Variants in ROR1 observed in about 807,000 individuals in gnomAD.
ROR1 encodes ROR family WNT receptor 1, also known as inactive tyrosine-protein kinase transmembrane receptor ROR1.
Under a neutral mutation model 78.8 loss-of-function variants are expected in ROR1, and 19 were observed. The observed-to-expected ratio is 0.24, with a 90% CI of 0.17 to 0.35. ROR1 has a LOEUF of 0.35. ROR1 is among the 10% of genes least tolerant of loss of function. The pLI, the probability that ROR1 is intolerant of heterozygous loss-of-function variation, is 1.00. For synonymous variants in ROR1, 386 were observed against 433.6 expected (o/e 0.89, Z 1.36); for missense variants, 917 against 1,177.8 (o/e 0.78, Z 3.24).
At chr1:63,939,521 A>G (rs1197546804) in intron 1 of ROR1, among the ~76,000 whole-genome samples, 1 of 152,232 alleles carries the variant, frequency 6.6e-6, no homozygotes, top group Non-Finnish European at 1.5e-5. Context: ...ATTTCCAGGC[A>G]TATCAAAAAC....
intron 1 of ROR1, among the ~76,000 whole-genome samples, chr1:64,007,956 C>CTTTTTTTTTTTTTT (rs74261212): frequency 9.4e-5 from 13 of 137,686 alleles, no homozygotes; most frequent in African/African-American, 3.8e-4. Context: ...TGCCCTTGTT[C>CTTTTTTTTTTTTTT]TTTTTTTTTT....
intron 1 of ROR1, among the ~76,000 whole-genome samples, chr1:63,920,148 G>A (rs1367044541): frequency 6.6e-6 from 1 of 152,206 alleles, no homozygotes; most frequent in African/African-American, 2.4e-5. Flanking sequence ...TTGTTGGGCA[G>A]GATGGGAAAG....
In ROR1 at chr1:64,180,310, A is replaced by G. The variant is rs888018381; in HGVS notation, c.*1455A>G. 2.0e-5 allele frequency: 3 copies of G among 152,176 alleles called. No individual in the cohort carries two copies. The highest frequency in any genetic ancestry group is 1.5e-5 in the Non-Finnish European group (1 of 68,022). The allele number at this position is 152,176 out of a possible 1,614,324, so 9.4% of individuals were successfully genotyped here. On this transcript the variant is annotated 3_prime_UTR_variant, in exon 9 of 9. Coordinates refer to ENST00000371079, the MANE Select transcript of ROR1 (RefSeq NM_005012.4). ...TCTAAGAACAATGTCTCAAAGTCTC[A>G]TTTTTACTTTAAAGGTATAAGAGAC...
At position 63,886,787 on chromosome 1, in the gene ROR1, A is replaced by G. The variant is rs1192464684; in HGVS notation, c.91+112279A>G. Among the ~76,000 whole-genome samples, 4 of 152,110 alleles carry G rather than the reference A, an allele frequency of 2.6e-5. No homozygotes were observed. In the East Asian group the frequency reaches 7.7e-4, roughly 29 times the overall value. On this transcript the variant is annotated intron_variant, in intron 1 of 8. Coordinates refer to ENST00000371079, the MANE Select transcript of ROR1 (RefSeq NM_005012.4). ...GAAAACCCTCCATACTCGACCACCC[A>G]CCTCCACACTGGCACAAATCCAGCC... is the stretch of plus-strand genomic sequence containing the variant.
Position 64,049,850 on chromosome 1 carries a change from G to A in ROR1, c.323G>A (p.Arg108Gln), listed in dbSNP as rs773348330. ...VVQEPRRLSFRSTIYGSRLRI... is the reference protein window; with the variant it reads ...VVQEPRRLSFQSTIYGSRLRI... ...CAGGAGCCCCGGAGGCTCTCCTTTC[G>A]GTCCACCATCTATGGCTCTCGGCTG... The change falls in exon 3 of 9, where the codon CGG becomes CAG. Residue 108 changes from arginine (R) to glutamine (Q), a missense_variant. Coordinates refer to ENST00000371079, the MANE Select transcript of ROR1 (RefSeq NM_005012.4). 17 of 1,613,972 alleles carry A rather than the reference G, an allele frequency of 1.1e-5. No individual in the cohort carries two copies. The highest frequency in any genetic ancestry group is 2.7e-5 in the African/African-American group (2 of 74,874).
chr1:64,089,429 T>C (rs1170136845), intron 4 of ROR1, among the ~76,000 whole-genome samples: 1 of 152,160 alleles, frequency 6.6e-6, no homozygotes, highest in Non-Finnish European at 1.5e-5. Context: ...CAAGCTGGCC[T>C]TGAACTCCTG....
intron 5 of ROR1, among the ~76,000 whole-genome samples, chr1:64,139,373 T>G (rs922548149): frequency 1.3e-5 from 2 of 152,152 alleles, no homozygotes; most frequent in African/African-American, 4.8e-5. Context: ...TGATTAATGT[T>G]CTGAGCAACA....
chr1:63,838,138 G>GTA (rs1041564238), intron 1 of ROR1, among the ~76,000 whole-genome samples: 1 of 152,034 alleles, frequency 6.6e-6, no homozygotes, highest in African/African-American at 2.4e-5. Context: ...ATAATAGTAA[G>GTA]TATATTTGTG....
chr1:64,069,727 C>A (rs1201919441), intron 4 of ROR1, among the ~76,000 whole-genome samples: 1 of 152,186 alleles, frequency 6.6e-6, no homozygotes. Context: ...AGGCAGCCAG[C>A]GCTGCAGAGG....
At chr1:63,843,289 A>C (rs1265465485) in intron 1 of ROR1, 1 of 1,406,176 alleles carries the variant, frequency 7.1e-7, no homozygotes, top group East Asian at 2.3e-5. Context: ...TTTGTGTGTA[A>C]TTCATGCTTG....
chr1:64,031,719 A>G (rs1449675227), intron 2 of ROR1, among the ~76,000 whole-genome samples: 1 of 152,182 alleles, frequency 6.6e-6, no homozygotes, highest in Non-Finnish European at 1.5e-5. Context: ...GAGCTGGTGT[A>G]TGTGTGACTT....
Position 63,990,602 on chromosome 1 carries a change from A to C in ROR1, c.92-18703A>C, listed in dbSNP as rs182429371. Among the ~76,000 whole-genome samples the C allele has an allele frequency of 1.4e-3, 207 of 152,300 alleles. 1 individual carries two copies. Among genetic ancestry groups the C allele is most frequent in the Non-Finnish European group, 2.8e-4 (19 of 68,036 alleles). On this transcript the variant is annotated intron_variant, in intron 1 of 8. Coordinates refer to ENST00000371079, the MANE Select transcript of ROR1 (RefSeq NM_005012.4). Reference sequence around the variant, plus strand: ...AACCTTTTTACCTTTAAAAACAAAAATCCCAAACCTCTATTCCTGAGAAGG... The same window carrying C: ...AACCTTTTTACCTTTAAAAACAAAACTCCCAAACCTCTATTCCTGAGAAGG...
At chr1:63,984,277 A>G (rs1378078712) in intron 1 of ROR1, among the ~76,000 whole-genome samples, 1 of 152,130 alleles carries the variant, frequency 6.6e-6, no homozygotes, top group East Asian at 1.9e-4. Context: ...GAAAGCTTAT[A>G]AGGGAGACTG....
chr1:63,884,665 T>A (rs934747887), intron 1 of ROR1, among the ~76,000 whole-genome samples: 1 of 152,156 alleles, frequency 6.6e-6, no homozygotes, highest in Non-Finnish European at 1.5e-5. Context: ...TTTATTGAAC[T>A]GTGACAGAGA....
intron 2 of ROR1, among the ~76,000 whole-genome samples, chr1:64,010,044 G>T (rs1256230163): frequency 6.6e-6 from 1 of 152,074 alleles, no homozygotes; most frequent in South Asian, 2.1e-4. Context: ...GCCAAATTTC[G>T]ATTTCTTCTT....
chr1:63,845,985 C>G (rs992282792), intron 1 of ROR1, among the ~76,000 whole-genome samples: 2 of 152,180 alleles, frequency 1.3e-5, no homozygotes. Context: ...CTGACTCCTT[C>G]TGGAATACTG....
intron 1 of ROR1, among the ~76,000 whole-genome samples, chr1:63,783,916 G>A (rs182836274): frequency 1.3e-5 from 2 of 152,160 alleles, no homozygotes; most frequent in Non-Finnish European, 2.9e-5. Flanking sequence ...GAGGCACAGA[G>A]AAGTAAGTAA....
chr1:64,058,377 G>A (rs1451484743), intron 4 of ROR1, among the ~76,000 whole-genome samples: 1 of 151,728 alleles, frequency 6.6e-6, no homozygotes, highest in Admixed American at 6.6e-5. Context: ...GAATAGAAGT[G>A]GTGAGAGTGG....
chr1:63,862,487 G>A (rs539646570), intron 1 of ROR1, among the ~76,000 whole-genome samples: 20 of 150,718 alleles, frequency 1.3e-4, no homozygotes, highest in Non-Finnish European at 2.2e-4. Flanking sequence ...TCTGATCTCC[G>A]CCAAATATCT....
Sources: gnomAD v4.1 joint callset for allele counts (sites outside exome capture counted in the v4.1 genomes callset) on GRCh38, gnomAD v4.1.1 for gene constraint, MANE v1.5 for transcripts, NCBI Gene and HGNC (gene_info 2026-07-23, HGNC 2026-07-21) for gene names.